The following C11orf65 variants were observed in gnomAD, a reference collection of about 807,000 sequenced individuals.
C11orf65 encodes the protein protein MFI.
C11orf65 carries 38 observed loss-of-function variants against 35.3 expected under a neutral mutation model. The observed-to-expected ratio is 1.08, with a 90% CI of 0.83 to 1.41. The LOEUF (loss-of-function observed/expected upper bound fraction) is 1.41. Ranked by LOEUF, C11orf65 falls within the 40% of genes most tolerant of loss-of-function variation. The pLI is 0.00. For synonymous variants in C11orf65, 105 were observed against 114.4 expected (o/e 0.92, Z 0.53); for missense variants, 370 against 367.1 (o/e 1.01, Z -0.06).
intron 2 of C11orf65, among the ~76,000 whole-genome samples, chr11:108,349,731 T>C (rs1236209857): frequency 6.6e-6 from 1 of 152,198 alleles, no homozygotes; most frequent in Non-Finnish European, 1.5e-5. Context: ...AGAAATTTGC[T>C]GCAGGAATGA....
At chr11:108,322,830 C>T (rs1211542458) in intron 6 of C11orf65, among the ~76,000 whole-genome samples, 1 of 151,474 alleles carries the variant, frequency 6.6e-6, no homozygotes, top group African/African-American at 2.4e-5. Flanking sequence ...TGTTACACTC[C>T]ATTCGGTTTT....
At chr11:108,438,743 C>T (rs1473109034) in intron 2 of C11orf65, among the ~76,000 whole-genome samples, 2 of 151,932 alleles carry the variant, frequency 1.3e-5, no homozygotes, top group East Asian at 1.9e-4. Flanking sequence ...CAGTGGCTCA[C>T]GCTTGTAATC....
In C11orf65 at chr11:108,345,761, T is replaced by C. The variant is rs1280239284; in HGVS notation, c.227-10469A>G. ...TTTAAAGGAGGTGCAAAAAAAGTCTTTTGAAGAGAAATATGAAGTCTTCAT... is the reference window on the plus strand; with the variant it reads ...TTTAAAGGAGGTGCAAAAAAAGTCTCTTGAAGAGAAATATGAAGTCTTCAT... On this transcript the variant is annotated intron_variant, in intron 2 of 3. Coordinates refer to the C11orf65 transcript ENST00000524755. 6.2e-7 allele frequency: 1 copy of C among 1,612,044 alleles called. No individual in the cohort carries two copies. The highest frequency in any genetic ancestry group is 1.3e-5 in the African/African-American group (1 of 74,834).
downstream of C11orf65, chr11:108,329,302 T>C: frequency 1.4e-6 from 2 of 1,413,522 alleles, no homozygotes; most frequent in Non-Finnish European, 2.0e-6. Flanking sequence ...TGTTTTTGCA[T>C]AGAAAGAGTG....
intron 2 of C11orf65, among the ~76,000 whole-genome samples, chr11:108,374,005 G>C (rs988181073): frequency 2.6e-5 from 4 of 152,380 alleles, no homozygotes; most frequent in Middle Eastern, 3.4e-3. Context: ...GCTCGCTTAG[G>C]TAAACAAAGC....
chr11:108,440,952 G>A (rs192253041), intron 2 of C11orf65, among the ~76,000 whole-genome samples: 33 of 152,258 alleles, frequency 2.2e-4, no homozygotes, highest in East Asian at 1.9e-4. Context: ...GTGAGGTACC[G>A]GGTTCATCTC....
At chr11:108,330,705 T>C (rs1011197578), downstream of C11orf65, among the ~76,000 whole-genome samples, 1 of 152,218 alleles carries the variant, frequency 6.6e-6, no homozygotes, top group Non-Finnish European at 1.5e-5. Context: ...TCCTATGTCT[T>C]TGCAGTTACC....
Position 108,443,062 on chromosome 11 carries a change from T to C in C11orf65, c.82-11224A>G, listed in dbSNP as rs1019952380. ...ATTCAAGACCCATCACTGTGCTGTATTCAGGAGACCCATCTCATGTGCAGA... is the reference window on the plus strand; with the variant it reads ...ATTCAAGACCCATCACTGTGCTGTACTCAGGAGACCCATCTCATGTGCAGA... On this transcript the variant is annotated intron_variant, in intron 2 of 8. Transcript: ENST00000393084. 2.0e-4 allele frequency among the ~76,000 whole-genome samples: 30 copies of C among 152,154 alleles called. 1 individual carries two copies. The highest frequency in any genetic ancestry group is 2.5e-4 in the Non-Finnish European group (17 of 68,034).
At chr11:108,415,922 GA>G (rs368228039) in intron 3 of C11orf65, among the ~76,000 whole-genome samples, 11 of 148,812 alleles carry the variant, frequency 7.4e-5, no homozygotes, top group East Asian at 5.8e-4. Flanking sequence ...CCACGTTCAA[GA>G]AAAAAAAAAT....
downstream of C11orf65, chr11:108,327,519 A>ATC: frequency 1.4e-6 from 1 of 726,144 alleles, no homozygotes; most frequent in Middle Eastern, 2.6e-4. Context: ...AGATGAGGAA[A>ATC]AACTTTTTTT....
chr11:108,431,191 G>A (rs973449028), intron 3 of C11orf65, among the ~76,000 whole-genome samples: 3 of 151,774 alleles, frequency 2.0e-5, no homozygotes, highest in Non-Finnish European at 4.4e-5. Flanking sequence ...AAAAAAATGT[G>A]TACACTTATC....
At chr11:108,374,418 G>C (rs1288848004) in intron 2 of C11orf65, among the ~76,000 whole-genome samples, 1 of 152,206 alleles carries the variant, frequency 6.6e-6, no homozygotes, top group Non-Finnish European at 1.5e-5. Context: ...CAGACCTGCA[G>C]CTGAGGGTCC....
At chr11:108,461,399 TA>T (rs956951448) in intron 2 of C11orf65, 79 bp downstream of exon 2, 7,131 of 934,750 alleles carry the variant, frequency 7.6e-3, no homozygotes, top group Non-Finnish European at 8.4e-3. Context: ...GATTCTGTCT[TA>T]AAAAAAAAAA....
At chr11:108,423,256 G>A (rs1007540205) in intron 3 of C11orf65, among the ~76,000 whole-genome samples, 7 of 152,112 alleles carry the variant, frequency 4.6e-5, no homozygotes, top group Admixed American at 2.6e-4. Context: ...CTAGAAAGGG[G>A]GCTGAAGCCA....
Position 108,326,202 on chromosome 11 carries a change from A to C in C11orf65, c.641-17131T>G, listed in dbSNP as rs1449259481. On this transcript the variant is annotated intron_variant, in intron 6 of 6. Transcript: ENST00000525729. The stretch of plus-strand genomic sequence containing the variant: ...GAGTATTCTCAAGCAAATGATCAAG[A>C]AGTTGGATGCCAGCTGTGCAGCGGT... 9.3e-6 allele frequency: 15 copies of C among 1,613,966 alleles called. No homozygotes were observed. In the East Asian group the frequency reaches 3.3e-4, roughly 36 times the overall value.
intron 2 of C11orf65, among the ~76,000 whole-genome samples, chr11:108,376,847 A>C (rs1335436349): frequency 2.0e-5 from 3 of 151,014 alleles, no homozygotes; most frequent in Non-Finnish European, 3.0e-5. Context: ...GAATACTACA[A>C]ACACCTCTAT....
chr11:108,315,955 T>A, intron 6 of C11orf65: 1 of 1,607,596 alleles, frequency 6.2e-7, no homozygotes, highest in Non-Finnish European at 8.5e-7. Flanking sequence ...ATTCTGTTTA[T>A]GAAGGAGTTA....
intron 3 of C11orf65, among the ~76,000 whole-genome samples, chr11:108,418,279 T>C (rs1016665794): frequency 6.6e-6 from 1 of 152,152 alleles, no homozygotes; most frequent in Non-Finnish European, 1.5e-5. Flanking sequence ...TATGCAATAC[T>C]ATGCTCAATA....
intron 2 of C11orf65, among the ~76,000 whole-genome samples, chr11:108,437,882 G>C (rs1019190420): frequency 2.6e-5 from 4 of 151,978 alleles, no homozygotes; most frequent in African/African-American, 9.7e-5. Context: ...TGAAAAAATA[G>C]AAAAGCCCAT....
Sources: allele counts gnomAD v4.1 joint callset (sites outside exome capture counted in the v4.1 genomes callset), GRCh38; gene constraint gnomAD v4.1.1; transcripts MANE v1.5; gene names NCBI Gene and HGNC (gene_info 2026-07-23, HGNC 2026-07-21).